GTF3C4: variants seen among roughly 807,000 people sequenced by gnomAD.
GTF3C4 encodes general transcription factor 3C polypeptide 4.
Under a neutral mutation model 67.5 loss-of-function variants are expected in GTF3C4, and 28 were observed. The ratio of observed to expected loss-of-function variants is 0.41; its 90% confidence interval spans 0.31 to 0.57. The LOEUF (loss-of-function observed/expected upper bound fraction) is 0.57. Among genes scored for constraint, GTF3C4 ranks in the 20% least tolerant of loss-of-function variants. The probability of loss-of-function intolerance (pLI) is 0.21; values close to 1 mark genes in which losing one functional copy is unlikely to be tolerated. For synonymous variants in GTF3C4, 409 were observed against 393.0 expected (o/e 1.04, Z -0.48); for missense variants, 831 against 1,033.2 (o/e 0.80, Z 2.68).
rs531294134 is a variant in GTF3C4 at position 132,689,541 on chromosome 9, T to G, written c.*596T>G. 1 of 152,822 alleles carries G rather than the reference T, an allele frequency of 6.5e-6. No homozygotes were observed. Among genetic ancestry groups the G allele is most frequent in the East Asian group, 1.9e-4 (1 of 5,204 alleles). 9.5% of individuals were successfully genotyped at this position (152,822 alleles called of 1,614,324 possible). On this transcript the variant is annotated 3_prime_UTR_variant, in exon 5 of 5. Transcript: ENST00000372146. ...ACATTTTCCTAAAACTCTATATTCTTAAGTTGAAGCCAAGACTAAAATTTA... is the reference window on the plus strand; with the variant it reads ...ACATTTTCCTAAAACTCTATATTCTGAAGTTGAAGCCAAGACTAAAATTTA...
At position 132,679,801 on chromosome 9, in the gene GTF3C4, C is replaced by T. The variant is rs780594678; in HGVS notation, c.2182C>T (p.Arg728Trp). 1.9e-6 allele frequency: 3 copies of T among 1,578,698 alleles called. No individual in the cohort carries two copies. Among genetic ancestry groups the T allele is most frequent in the African/African-American group, 1.4e-5 (1 of 73,728 alleles). ...SDEEYDDRTA[R>W]VLIGHISKKM... Reference sequence around the variant, plus strand: ...TGAAGAGTATGATGACAGAACTGCACGGGTAGGTGTTTATTAACAAAAACT... The same window carrying T: ...TGAAGAGTATGATGACAGAACTGCATGGGTAGGTGTTTATTAACAAAAACT... Residue 728 changes from arginine to tryptophan, a missense_variant and splice_region_variant, in exon 2 of 5, where the codon CGG (arginine) becomes TGG (tryptophan). Arg to Trp is a moderately radical substitution (Grantham distance 101). Transcript: ENST00000372146. This position sits in a 1 kb window ranked among gnomAD's most constrained non-coding sequence, Gnocchi z 5.9.
In GTF3C4 at chr9:132,670,499, A is replaced by C. The variant is rs1397290503; in HGVS notation, c.-100A>C. On this transcript the variant is annotated 5_prime_UTR_variant, in exon 1 of 5. Coordinates refer to ENST00000372146, the MANE Select transcript of GTF3C4 (RefSeq NM_012204.4). ...CGGCGCTCGGGGCCTGAGGGGAGAA[A>C]ACCGCCGCGGAGGGCGCTGGGGGTG... 9.1e-7 allele frequency: 1 copy of C among 1,094,806 alleles called. No homozygotes were observed. The highest frequency in any genetic ancestry group is 1.2e-6 in the Non-Finnish European group (1 of 820,498). 67.8% of individuals were successfully genotyped at this position (1,094,806 alleles called of 1,614,324 possible).
At chr9:132,683,952 A>G (rs1193546509) in intron 3 of GTF3C4, among the ~76,000 whole-genome samples, 1 of 152,204 alleles carries the variant, frequency 6.6e-6, no homozygotes, top group Non-Finnish European at 1.5e-5. Flanking sequence ...CTAATTGAAC[A>G]AATTATGGCT....
At chr9:132,675,250 TA>T (rs1835847336) in intron 1 of GTF3C4, among the ~76,000 whole-genome samples, 2 of 152,296 alleles carry the variant, frequency 1.3e-5, no homozygotes, top group Non-Finnish European at 2.9e-5. Context: ...TGAACCCAGG[TA>T]GTCTGGCGTC....
chr9:132,672,196 A>C (rs1031811014), intron 1 of GTF3C4, among the ~76,000 whole-genome samples: 2 of 152,216 alleles, frequency 1.3e-5, no homozygotes, highest in Non-Finnish European at 2.9e-5. Context: ...GGCAGAAGAA[A>C]GGTGATTTAA....
chr9:132,673,203 T>C (rs1835813651), intron 1 of GTF3C4, among the ~76,000 whole-genome samples: 1 of 151,922 alleles, frequency 6.6e-6, no homozygotes, highest in Admixed American at 6.6e-5. Flanking sequence ...AAAGAAAATA[T>C]AATGCAGTTA....
intron 2 of GTF3C4, among the ~76,000 whole-genome samples, chr9:132,680,261 T>G (rs1279766332): frequency 6.6e-6 from 1 of 152,198 alleles, no homozygotes; most frequent in Admixed American, 6.5e-5. Flanking sequence ...GTAAACAAAT[T>G]ATTACTCATG....
At chr9:132,677,368 C>T (rs1434894172) in intron 1 of GTF3C4, among the ~76,000 whole-genome samples, 10 of 152,196 alleles carry the variant, frequency 6.6e-5, no homozygotes, top group Admixed American at 2.0e-4. Flanking sequence ...TGCCACTGCA[C>T]TCCAGCCCGG....
chr9:132,687,087 G>A (rs1222380177), intron 3 of GTF3C4, 152 bp from the exon 4 acceptor site: 1 of 698,266 alleles, frequency 1.4e-6, no homozygotes, highest in Non-Finnish European at 2.7e-6. Context: ...TGGTGCACAG[G>A]GGGATGCATT....
Position 132,690,281 on chromosome 9 carries a change from T to G in GTF3C4, c.*1336T>G, listed in dbSNP as rs1353060633. 6.6e-6 allele frequency: 1 copy of G among 152,148 alleles called. No homozygotes were observed. The highest frequency in any genetic ancestry group is 2.4e-5 in the African/African-American group (1 of 41,430). 9.4% of individuals were successfully genotyped at this position (152,148 alleles called of 1,614,324 possible). A position where few individuals can be genotyped will look rare whatever the true frequency, so the allele number is the denominator to read the frequency against. On this transcript the variant is annotated 3_prime_UTR_variant, in exon 5 of 5. Coordinates refer to ENST00000372146, the MANE Select transcript of GTF3C4 (RefSeq NM_012204.4). ...CAATATGGCGAGACTCCGTCTCTAC[T>G]ACAAATACAAAAGTTAGCCTGGCAT...
rs1274464853 is a variant in GTF3C4 at position 132,678,963 on chromosome 9, G to A, written c.1344G>A (p.Arg448=). 1 of 1,614,186 alleles carries A rather than the reference G, an allele frequency of 6.2e-7. No homozygotes were observed. Residue 448 remains arginine, a synonymous_variant, in exon 2 of 5, where the codon AGG becomes AGA. Transcript: ENST00000372146. The surrounding 1 kb of genome is among the most constrained non-coding windows in gnomAD (Gnocchi z 6.5). ...CTTGCTCCAGTGACGGAAAGGTGAG[G>A]CAGCTGATTCCCATTTTCACAGATG... is the stretch of plus-strand genomic sequence containing the variant. ...VYTCSSDGKV[R]QLIPIFTDVA...
At chr9:132,674,196 A>G (rs1835832191) in intron 1 of GTF3C4, among the ~76,000 whole-genome samples, 1 of 152,216 alleles carries the variant, frequency 6.6e-6, no homozygotes, top group African/African-American at 2.4e-5. Context: ...AGTGATGGTG[A>G]AAACCGCAAT....
Position 132,678,268 on chromosome 9 carries a change from T to C in GTF3C4, c.649T>C (p.Tyr217His). Residue 217 changes from tyrosine (Y) to histidine (H), a missense_variant, in exon 2 of 5, where the codon TAT (tyrosine) becomes CAT (histidine). Tyr to His is a moderately conservative substitution (Grantham distance 83). Around this residue, in one of 4 missense-constraint regions of GTF3C4, gnomAD observed 390 missense variants for 540.3 expected, o/e 0.72. Coordinates refer to ENST00000372146, the MANE Select transcript of GTF3C4 (RefSeq NM_012204.4). This position sits in a 1 kb window ranked among gnomAD's most constrained non-coding sequence, Gnocchi z 6.5. ...GACTGAGATCTATGGAGAACGTCTT[T>C]ATGAGACCAGTTACAGGCTCTCTAA... ...DLTEIYGERL[Y>H]ETSYRLSKNE... 1.9e-6 allele frequency: 3 copies of C among 1,614,174 alleles called. No homozygotes were observed.
rs956785207 is a variant in GTF3C4, at chr9:132,670,502, C to G, written c.-97C>G. Reference sequence around the variant, plus strand: ...CGCTCGGGGCCTGAGGGGAGAAAACCGCCGCGGAGGGCGCTGGGGGTGGCG... The same window carrying G: ...CGCTCGGGGCCTGAGGGGAGAAAACGGCCGCGGAGGGCGCTGGGGGTGGCG... On this transcript the variant is annotated 5_prime_UTR_variant, in exon 1 of 5. Transcript: ENST00000372146. 38 of 1,107,238 alleles carry G rather than the reference C, an allele frequency of 3.4e-5. No individual in the cohort carries two copies. The highest frequency in any genetic ancestry group is 4.0e-5 in the Non-Finnish European group (33 of 830,884). The allele number at this position is 1,107,238 out of a possible 1,614,324, so 68.6% of individuals were successfully genotyped here. A position where few individuals can be genotyped will look rare whatever the true frequency, so the allele number is the denominator to read the frequency against.
Position 132,692,607 on chromosome 9 carries a change from T to C in GTF3C4, c.*3662T>C, listed in dbSNP as rs932658195. 6 of 149,688 alleles carry C rather than the reference T, an allele frequency of 4.0e-5. No homozygotes were observed. Among genetic ancestry groups the C allele is most frequent in the East Asian group, 3.9e-4 (2 of 5,144 alleles). 9.3% of individuals were successfully genotyped at this position (149,688 alleles called of 1,614,324 possible). On this transcript the variant is annotated 3_prime_UTR_variant, in exon 5 of 5. Transcript: ENST00000372146. ...TCTTTACAATTAGCCCACCATGGAC[T>C]GTTTTGAGTCTCTGCATGGTTTCCA...
At chr9:132,687,755 G>GT (rs1300400000) in intron 4 of GTF3C4, among the ~76,000 whole-genome samples, 1 of 152,126 alleles carries the variant, frequency 6.6e-6, no homozygotes, top group Admixed American at 6.5e-5. Context: ...GCCATGATGG[G>GT]TTTTTTTCCT....
In GTF3C4 at chr9:132,689,036, C is replaced by A; in HGVS notation, c.*91C>A. 1 of 922,742 alleles carries A rather than the reference C, an allele frequency of 1.1e-6. No individual in the cohort carries two copies. The highest frequency in any genetic ancestry group is 1.8e-6 in the Non-Finnish European group (1 of 566,446). The allele number at this position is 922,742 out of a possible 1,614,324, so 57.2% of individuals were successfully genotyped here. A position where few individuals can be genotyped will look rare whatever the true frequency, so the allele number is the denominator to read the frequency against. On this transcript the variant is annotated 3_prime_UTR_variant, in exon 5 of 5. Transcript: ENST00000372146. ...AAGAGAAGGATGCACTGGAGGAAGC[C>A]GGACCCTCACGAGTGGAGAGAAGTC...
At chr9:132,675,799 C>A (rs576335541) in intron 1 of GTF3C4, among the ~76,000 whole-genome samples, 41 of 150,518 alleles carry the variant, frequency 2.7e-4, no homozygotes, top group Admixed American at 5.3e-4. Flanking sequence ...ATTTTGTGGA[C>A]AATTTTCTAT....
Position 132,683,854 on chromosome 9 carries a change from A to T in GTF3C4, c.2315+161A>T, listed in dbSNP as rs545985689. ...ATAAAGCCTGATGTGGACTTTTTTC[A>T]TCAGTGTCACTCAAGCAAGTTGGCC... On this transcript the variant is annotated intron_variant, in intron 3 of 4. Transcript: ENST00000372146. 1.2e-3 allele frequency among the ~76,000 whole-genome samples: 177 copies of T among 152,316 alleles called. 3 individuals are homozygous for T. Among genetic ancestry groups the T allele is most frequent in the African/African-American group, 4.1e-3 (169 of 41,572 alleles).
Sources: allele counts gnomAD v4.1 joint callset (sites outside exome capture counted in the v4.1 genomes callset), GRCh38; gene constraint gnomAD v4.1.1; regional missense constraint gnomAD v4.1.1; non-coding constraint Gnocchi (gnomAD v3.1); transcripts MANE v1.5; gene names NCBI Gene and HGNC (gene_info 2026-07-23, HGNC 2026-07-21).